Variants in CTNNBL1 observed in about 807,000 individuals in gnomAD.
The protein encoded by CTNNBL1 is beta-catenin-like protein 1.
CTNNBL1 carries 31 observed loss-of-function variants against 72.7 expected under a neutral mutation model. The ratio of observed to expected loss-of-function variants is 0.43; its 90% CI spans 0.32 to 0.58. The LOEUF is 0.58. Among genes scored for constraint, CTNNBL1 ranks in the 20% least tolerant of loss-of-function variants. The pLI is 0.08. For missense variants in CTNNBL1, 534 were observed against 725.1 expected, an observed-to-expected ratio of 0.74 and a Z score of 3.03; for synonymous variants, 240 against 267.3, an observed-to-expected ratio of 0.90 and a Z score of 1.00.
rs397866131 is a variant in CTNNBL1 at position 37,848,146 on chromosome 20, C to CT, written c.1392+5748dup. On this transcript the variant is annotated intron_variant, in intron 13 of 15. Transcript: ENST00000361383. Reference sequence around the variant, plus strand: ...CTCCCAGCTCCCTTCCCACTGCCAGCTTTTTTTTTTTTTTTTTTTTTGAGA... The same window carrying CT: ...CTCCCAGCTCCCTTCCCACTGCCAGCTTTTTTTTTTTTTTTTTTTTTTGAGA... Among the ~76,000 whole-genome samples the CT allele has an allele frequency of 4.8e-3, 423 of 87,740 alleles. 5 individuals carry two copies. The highest frequency in any genetic ancestry group is 6.5e-3 in the Non-Finnish European group (283 of 43,800). The allele number at this position is 87,740 out of a possible 152,430, so 57.6% of individuals were successfully genotyped here. A position where few individuals can be genotyped will look rare whatever the true frequency, so the allele number is the denominator to read the frequency against.
intron 13 of CTNNBL1, among the ~76,000 whole-genome samples, chr20:37,848,555 G>C (rs1328443360): frequency 2.6e-5 from 4 of 152,122 alleles, no homozygotes; most frequent in Non-Finnish European, 4.4e-5. Flanking sequence ...GGGGCCTGGG[G>C]GCAGAGGACG....
chr20:37,776,197 T>G (rs1178388577), intron 7 of CTNNBL1, among the ~76,000 whole-genome samples: 4 of 152,232 alleles, frequency 2.6e-5, no homozygotes, highest in Non-Finnish European at 5.9e-5. Context: ...ATGTAAGACC[T>G]TGCATTTATA....
At position 37,784,005 on chromosome 20, in the gene CTNNBL1, T is replaced by C. The variant is rs144540462; in HGVS notation, c.1031+4670T>C. Among the ~76,000 whole-genome samples, 933 of 152,274 alleles carry C rather than the reference T, an allele frequency of 6.1e-3. 15 individuals carry two copies. The highest frequency in any genetic ancestry group is 0.021 in the African/African-American group (853 of 41,544). On this transcript the variant is annotated intron_variant, in intron 10 of 15. Coordinates refer to ENST00000361383, the MANE Select transcript of CTNNBL1 (RefSeq NM_030877.5). ...GTCTCTCCCTTTAGCTCTAATAATA[T>C]TTGCTTTATCTATCTGGGTGCTCCA...
intron 11 of CTNNBL1, among the ~76,000 whole-genome samples, chr20:37,809,105 G>A (rs1436189683): frequency 6.6e-6 from 1 of 151,886 alleles, no homozygotes; most frequent in African/African-American, 2.4e-5. Context: ...TCCTCTCAAA[G>A]TTACCACCAA....
chr20:37,813,261 C>G (rs1194057919), intron 11 of CTNNBL1, among the ~76,000 whole-genome samples: 1 of 152,150 alleles, frequency 6.6e-6, no homozygotes, highest in South Asian at 2.1e-4. Flanking sequence ...GAAGCCAGAC[C>G]TGGAAGGACC....
chr20:37,789,973 G>T (rs1160788125), intron 10 of CTNNBL1, among the ~76,000 whole-genome samples: 1 of 152,148 alleles, frequency 6.6e-6, no homozygotes, highest in East Asian at 1.9e-4. Flanking sequence ...ACCCATCTTG[G>T]TTATTAACTG....
intron 1 of CTNNBL1, among the ~76,000 whole-genome samples, chr20:37,725,066 C>T (rs570869735): frequency 2.6e-5 from 4 of 151,882 alleles, no homozygotes; most frequent in South Asian, 2.1e-4. Flanking sequence ...CCATTATGCT[C>T]GGCTAATTTT....
chr20:37,861,485 A>G lies in CTNNBL1; in HGVS notation c.1603+1141A>G, dbSNP rs564338110. Among the ~76,000 whole-genome samples the G allele has an allele frequency of 1.6e-4, 24 of 152,318 alleles. No homozygotes were observed. In the South Asian group the frequency reaches 4.6e-3, roughly 29 times the overall value. ...CGGAGTTCAGGGAGTGTCCAGATGG[A>G]CTGGGTAACTCTAGACAAATCAGTG... is the stretch of plus-strand genomic sequence containing the variant. On this transcript the variant is annotated intron_variant, in intron 15 of 15. Transcript: ENST00000361383.
chr20:37,777,654 A>G lies in CTNNBL1; in HGVS notation c.824A>G (p.Glu275Gly), dbSNP rs1316602885. ...CTTCCTCTATTTTTTTCCCCTTTAG[A>G]AAACAGGGAATTGCTTGGGGAGCTG... ...VLAILLQDND[E>G]NRELLGELDG... Residue 275 changes from glutamate (E) to glycine (G), a missense_variant and splice_region_variant, in exon 9 of 16, where the codon GAA becomes GGA. Transcript: ENST00000361383. The G allele has an allele frequency of 1.9e-6, 3 of 1,613,372 alleles. No individual in the cohort carries two copies. Among genetic ancestry groups the G allele is most frequent in the Non-Finnish European group, 2.5e-6 (3 of 1,179,566 alleles).
At position 37,777,712 on chromosome 20, in the gene CTNNBL1, C is replaced by T. The variant is rs765322299; in HGVS notation, c.882C>T (p.Ser294=). Reference sequence around the variant, plus strand: ...TCGATGTGCTTCTTCAGCAGTTATCCGTGAGTAATTCTTATGCTTCCTGTC... The same window carrying T: ...TCGATGTGCTTCTTCAGCAGTTATCTGTGAGTAATTCTTATGCTTCCTGTC... ...DGIDVLLQQL[S]VFKRHNPSTA... Residue 294 remains serine, a splice_region_variant and synonymous_variant, in exon 9 of 16, where the codon TCC becomes TCT. Transcript: ENST00000361383. The T allele has an allele frequency of 2.5e-5, 40 of 1,613,310 alleles. No individual in the cohort carries two copies. Among genetic ancestry groups the T allele is most frequent in the Admixed American group, 1.0e-4 (6 of 59,996 alleles).
chr20:37,807,020 C>A (rs927767348), intron 11 of CTNNBL1, among the ~76,000 whole-genome samples: 1 of 152,144 alleles, frequency 6.6e-6, no homozygotes, highest in Non-Finnish European at 1.5e-5. Flanking sequence ...ATCACACATC[C>A]TGGTTTGCCT....
intron 1 of CTNNBL1, among the ~76,000 whole-genome samples, chr20:37,725,815 C>G (rs2073079608): frequency 6.6e-6 from 1 of 151,756 alleles, no homozygotes; most frequent in South Asian, 2.1e-4. Context: ...GTAACCCCAT[C>G]CCTACCAGAA....
intron 4 of CTNNBL1, among the ~76,000 whole-genome samples, chr20:37,754,860 T>C (rs1306931589): frequency 1.3e-5 from 2 of 151,548 alleles, no homozygotes; most frequent in Admixed American, 1.3e-4. Context: ...CAGGCTGGAG[T>C]GCAGTGGCAC....
intron 10 of CTNNBL1, among the ~76,000 whole-genome samples, chr20:37,796,044 CTAA>C (rs1306102249): frequency 6.6e-6 from 1 of 152,036 alleles, no homozygotes; most frequent in Non-Finnish European, 1.5e-5. Flanking sequence ...TAGTCTATGG[CTAA>C]TAATGCCTCG....
intron 10 of CTNNBL1, among the ~76,000 whole-genome samples, chr20:37,790,622 C>T (rs909435631): frequency 1.3e-5 from 2 of 152,162 alleles, no homozygotes; most frequent in African/African-American, 2.4e-5. Context: ...ATCCTTCCAA[C>T]AGTCCTCCAG....
At chr20:37,787,588 C>T (rs1188006593) in intron 10 of CTNNBL1, among the ~76,000 whole-genome samples, 2 of 152,348 alleles carry the variant, frequency 1.3e-5, no homozygotes, top group East Asian at 3.9e-4. Flanking sequence ...TCGTGATCCG[C>T]ACGCCTTGGC....
At chr20:37,711,556 A>G (rs957514721) in intron 1 of CTNNBL1, among the ~76,000 whole-genome samples, 2 of 149,026 alleles carry the variant, frequency 1.3e-5, no homozygotes, top group African/African-American at 5.0e-5. Flanking sequence ...ATGAATAACA[A>G]TACCTAAACA....
chr20:37,767,696 C>A (rs766609150), intron 6 of CTNNBL1, among the ~76,000 whole-genome samples: 1 of 152,112 alleles, frequency 6.6e-6, no homozygotes, highest in Non-Finnish European at 1.5e-5. Context: ...AGTGTTGTTC[C>A]CTATTAGCAT....
intron 10 of CTNNBL1, among the ~76,000 whole-genome samples, chr20:37,785,950 G>A (rs1226049618): frequency 6.6e-6 from 1 of 152,226 alleles, no homozygotes; most frequent in East Asian, 1.9e-4. Context: ...CACAGCAGCT[G>A]TGTCTGCATT....
Sources: gnomAD v4.1 joint callset for allele counts (sites outside exome capture counted in the v4.1 genomes callset) on GRCh38, gnomAD v4.1.1 for gene constraint, MANE v1.5 for transcripts, NCBI Gene and HGNC (gene_info 2026-07-23, HGNC 2026-07-21) for gene names.